TEX11: variants seen among roughly 807,000 people sequenced by gnomAD.
TEX11 encodes testis expressed 11, also known as testis-expressed protein 11.
In TEX11, 7 loss-of-function variants were observed where a neutral mutation model predicts 84.4. The ratio of observed to expected loss-of-function variants is 0.08; its 90% CI spans 0.05 to 0.16. The LOEUF (loss-of-function observed/expected upper bound fraction) is 0.16, where lower values mean the gene tolerates loss of function less well. Ranked by LOEUF, TEX11 falls within the 10% of genes least tolerant of loss-of-function variation. The probability of loss-of-function intolerance (pLI) is 1.00; values close to 1 mark genes in which losing one functional copy is unlikely to be tolerated. For synonymous variants in TEX11, 264 were observed against 222.8 expected, an observed-to-expected ratio of 1.18 and a Z score of -1.64; for missense variants, 551 against 660.5, an observed-to-expected ratio of 0.83 and a Z score of 1.82.
At chrX:70,786,147 G>T (rs1460347293) in intron 9 of TEX11, among the ~76,000 whole-genome samples, 22 of 111,585 alleles carry the variant, frequency 2.0e-4, no homozygotes, top group African/African-American at 6.8e-4. Context: ...CCATAAAAAA[G>T]GATGAGTTCA....
At chrX:70,859,825 G>A (rs1441392519) in intron 5 of TEX11, among the ~76,000 whole-genome samples, 1 of 110,145 alleles carries the variant, frequency 9.1e-6, no homozygotes, top group East Asian at 2.8e-4. Context: ...AGACCAGCCT[G>A]ACCAACATGG....
chrX:70,720,028 C>G (rs948280575), intron 13 of TEX11, among the ~76,000 whole-genome samples: 1 of 111,573 alleles, frequency 9.0e-6, no homozygotes, highest in African/African-American at 3.3e-5. Flanking sequence ...GGGTATATAC[C>G]CAAAGGATTA....
intron 13 of TEX11, among the ~76,000 whole-genome samples, chrX:70,719,103 C>T (rs1461859216): frequency 8.9e-6 from 1 of 111,928 alleles, no homozygotes; most frequent in African/African-American, 3.2e-5. Context: ...CTGTATTGTG[C>T]ATCCAATTCA....
At position 70,840,683 on chromosome X, in the gene TEX11, G is replaced by A. The variant is rs906136188; in HGVS notation, c.526-7090C>T. Among the ~76,000 whole-genome samples, 3 of 111,261 alleles carry A rather than the reference G, an allele frequency of 2.7e-5. No individual in the cohort carries two copies. In the Admixed American group the frequency reaches 2.9e-4, roughly 11 times the overall value. ...TGCTCCAATTAAAAGACACAGACTG[G>A]CAAATTGGATAAAGAGTCAAGACCC... On this transcript the variant is annotated intron_variant, in intron 7 of 29. Coordinates refer to ENST00000374333, the MANE Select transcript of TEX11 (RefSeq NM_031276.3).
At chrX:70,731,375 T>A (rs1485210186) in intron 11 of TEX11, among the ~76,000 whole-genome samples, 4 of 110,499 alleles carry the variant, frequency 3.6e-5, no homozygotes, top group Non-Finnish European at 7.6e-5. Context: ...GCTGGTTTTT[T>A]GAAAAGATCA....
intron 8 of TEX11, among the ~76,000 whole-genome samples, chrX:70,832,965 A>C (rs2091385010): frequency 8.9e-6 from 1 of 112,087 alleles, no homozygotes; most frequent in Non-Finnish European, 1.9e-5. Context: ...AAGCAAAGAA[A>C]ATTTTAAGAA....
intron 8 of TEX11, among the ~76,000 whole-genome samples, chrX:70,822,692 T>C (rs764758562): frequency 9.0e-6 from 1 of 111,278 alleles, no homozygotes; most frequent in African/African-American, 3.3e-5. Flanking sequence ...GATTAACGGT[T>C]TTGCAGGCTG....
At chrX:70,616,248 A>G (rs960591587) in intron 20 of TEX11, among the ~76,000 whole-genome samples, 2 of 112,026 alleles carry the variant, frequency 1.8e-5, no homozygotes, top group Admixed American at 9.5e-5. Flanking sequence ...CATAGACAGT[A>G]TAAGATATAA....
intron 4 of TEX11, among the ~76,000 whole-genome samples, chrX:70,866,272 T>C (rs1412924376): frequency 2.7e-5 from 3 of 110,690 alleles, no homozygotes; most frequent in African/African-American, 9.8e-5. Flanking sequence ...TATACACAAA[T>C]AAACTAGAAA....
At chrX:70,766,283 G>A (rs766775855) in intron 9 of TEX11, among the ~76,000 whole-genome samples, 7 of 109,982 alleles carry the variant, frequency 6.4e-5, no homozygotes, top group Non-Finnish European at 1.3e-4. Context: ...ATGGTGGTGC[G>A]TGCCTGTAAT....
chrX:70,817,254 TACAC>T (rs57325193), intron 8 of TEX11, among the ~76,000 whole-genome samples: 86 of 82,398 alleles, frequency 1.0e-3, no homozygotes, highest in African/African-American at 2.1e-3. Context: ...CATATATATA[TACAC>T]ACACACACAC....
At chrX:70,810,826 A>G (rs1298259162) in intron 8 of TEX11, among the ~76,000 whole-genome samples, 1 of 111,205 alleles carries the variant, frequency 9.0e-6, no homozygotes, top group South Asian at 3.8e-4. Flanking sequence ...TTAAAAAATA[A>G]CAGTGACAAC....
intron 9 of TEX11, among the ~76,000 whole-genome samples, chrX:70,790,800 G>A (rs1391867062): frequency 8.9e-6 from 1 of 111,943 alleles, no homozygotes; most frequent in African/African-American, 3.2e-5. Flanking sequence ...CTTCAGCCCC[G>A]CTAGGACAGC....
chrX:70,908,444 C>T (rs1472753818), intron 1 of TEX11, among the ~76,000 whole-genome samples: 4 of 112,155 alleles, frequency 3.6e-5, no homozygotes, highest in Admixed American at 9.5e-5. Flanking sequence ...GCTCCCCATA[C>T]TCCTCAATCC....
intron 13 of TEX11, among the ~76,000 whole-genome samples, chrX:70,714,362 G>T (rs5936585): frequency 9.1e-6 from 1 of 109,681 alleles, no homozygotes; most frequent in Non-Finnish European, 1.9e-5. Flanking sequence ...ACTTTCTGTC[G>T]TGTTGATCTG....
At chrX:70,721,832 T>C (rs1213810005) in intron 13 of TEX11, among the ~76,000 whole-genome samples, 4 of 111,784 alleles carry the variant, frequency 3.6e-5, no homozygotes, top group African/African-American at 1.3e-4. Context: ...GTAAGAAAAG[T>C]TTGCAGACCC....
intron 20 of TEX11, among the ~76,000 whole-genome samples, chrX:70,614,766 G>C (rs776808647): frequency 1.8e-5 from 2 of 111,578 alleles, no homozygotes; most frequent in East Asian, 5.7e-4. Context: ...AATGGCCATA[G>C]GGGTGCTTGT....
At chrX:70,642,551 C>T (rs1271872263) in intron 17 of TEX11, among the ~76,000 whole-genome samples, 1 of 102,825 alleles carries the variant, frequency 9.7e-6, no homozygotes. Context: ...TCCAGCAGCA[C>T]ATCAAAAAGC....
At chrX:70,787,929 C>G (rs899654916) in intron 9 of TEX11, among the ~76,000 whole-genome samples, 2 of 109,827 alleles carry the variant, frequency 1.8e-5, no homozygotes, top group African/African-American at 6.6e-5. Context: ...CTTATAATAG[C>G]TACAAAAAAA....
Sources: gnomAD v4.1 joint callset for allele counts (sites outside exome capture counted in the v4.1 genomes callset) on GRCh38, gnomAD v4.1.1 for gene constraint, MANE v1.5 for transcripts, NCBI Gene and HGNC (gene_info 2026-07-23, HGNC 2026-07-21) for gene names.